Variants in KRT77 observed in about 807,000 individuals in gnomAD.
KRT77 encodes the protein keratin 77, also known as keratin, type II cytoskeletal 1b.
A neutral mutation model predicts 51.5 loss-of-function variants in KRT77; 44 were observed. That is an observed-to-expected ratio of 0.85 (90% confidence interval 0.67 to 1.10). The LOEUF (loss-of-function observed/expected upper bound fraction) is 1.10, where lower values mean the gene tolerates loss of function less well. Among genes scored for constraint, KRT77 ranks in the 50% least tolerant of loss-of-function variants. The pLI is 0.00. For synonymous variants in KRT77, 293 were observed against 302.0 expected (o/e 0.97, Z 0.31); for missense variants, 763 against 743.9 (o/e 1.03, Z -0.30).
At chr12:52,691,820 C>G in intron 8 of KRT77, 118 bp downstream of exon 8, 1 of 1,121,210 alleles carries the variant, frequency 8.9e-7, no homozygotes, top group Non-Finnish European at 1.3e-6. Flanking sequence ...ACTTTGGTGT[C>G]TATTGCACAG....
intron 1 of KRT77, 55 bp from the exon 2 acceptor site, chr12:52,697,951 A>G (rs902976836): frequency 3.9e-6 from 6 of 1,535,308 alleles, no homozygotes; most frequent in Admixed American, 1.7e-5. Flanking sequence ...CAGCTCCCCC[A>G]TAAGTAGGAG....
chr12:52,694,947 T>C (rs1941773223), intron 4 of KRT77, 157 bp from the exon 5 acceptor site: 1 of 555,714 alleles, frequency 1.8e-6, no homozygotes, highest in South Asian at 3.7e-5. Context: ...TGAGAGATAA[T>C]AGGGAGAGTC....
chr12:52,700,395 T>C (rs989133040), intron 1 of KRT77, among the ~76,000 whole-genome samples: 5 of 151,690 alleles, frequency 3.3e-5, no homozygotes, highest in Admixed American at 2.6e-4. Context: ...ACTGAAGTGG[T>C]GGTCAGGGAA....
chr12:52,691,145 G>A lies in KRT77; in HGVS notation c.*20C>T, dbSNP rs1010228197. 6.2e-6 allele frequency: 10 copies of A among 1,613,862 alleles called. No homozygotes were observed. The African/African-American group carries it at 1.2e-4, about 19-fold the overall frequency. Reference sequence around the variant, plus strand: ...GAGGGCGGTGAGGGGCAGGCGTGATGTGTGGCAGAAACGAGGCCTCTACTC... The same window carrying A: ...GAGGGCGGTGAGGGGCAGGCGTGATATGTGGCAGAAACGAGGCCTCTACTC... On this transcript the variant is annotated 3_prime_UTR_variant, in exon 9 of 9. Coordinates refer to ENST00000341809, the MANE Select transcript of KRT77 (RefSeq NM_175078.3).
chr12:52,692,079 T>A, intron 7 of KRT77, 107 bp from the exon 8 acceptor site: 1 of 1,221,414 alleles, frequency 8.2e-7, no homozygotes, highest in Non-Finnish European at 1.2e-6. Context: ...TAGGGAAATG[T>A]GTGTGCATGA....
In KRT77 at chr12:52,701,469, A is replaced by T. The variant is rs3782492; in HGVS notation, c.543+1423T>A. ...CTGCCACCCAGTATGGCCTCTAGCCACAGCTACCCTGCAGTCAGGCCACAG... is the reference window on the plus strand; with the variant it reads ...CTGCCACCCAGTATGGCCTCTAGCCTCAGCTACCCTGCAGTCAGGCCACAG... On this transcript the variant is annotated intron_variant, in intron 1 of 8. Transcript: ENST00000341809. Among the ~76,000 whole-genome samples the T allele has an allele frequency of 2.6e-5, 4 of 152,230 alleles. No homozygotes were observed. In the East Asian group the frequency reaches 7.8e-4, roughly 30 times the overall value.
intron 7 of KRT77, 123 bp downstream of exon 7, chr12:52,692,298 G>T: frequency 1.9e-6 from 2 of 1,066,388 alleles, no homozygotes; most frequent in Non-Finnish European, 2.7e-6. Context: ...GAATGTTTCT[G>T]CTCACCCTGG....
At position 52,694,727 on chromosome 12, in the gene KRT77, G is replaced by C. The variant is rs756943078; in HGVS notation, c.979C>G (p.Arg327Gly). Residue 327 changes from arginine (R) to glycine (G), a missense_variant, in exon 5 of 9, where the codon CGT becomes GGT. Transcript: ENST00000341809. ...TNVILSMDNNRSLDLDSIIDA... is the reference protein window; with the variant it reads ...TNVILSMDNNGSLDLDSIIDA... ...ATGATGCTGTCCAGGTCCAGGGAAC[G>C]GTTATTGTCCATGGACAGGATGACG... The C allele has an allele frequency of 6.2e-7, 1 of 1,613,424 alleles. No individual in the cohort carries two copies. Among genetic ancestry groups the C allele is most frequent in the African/African-American group, 1.3e-5 (1 of 74,916 alleles).
In KRT77 at chr12:52,702,975, C is replaced by T; in HGVS notation, c.460G>A (p.Asp154Asn). 1 of 1,614,060 alleles carries T rather than the reference C, an allele frequency of 6.2e-7. No individual in the cohort carries two copies. Among genetic ancestry groups the T allele is most frequent in the South Asian group, 1.1e-5 (1 of 91,066 alleles). ...SLLEPLHLEV[D>N]PEIQRIKTQE... ...GTCTTGATCCTCTGAATTTCAGGGTCCACCTCCAGGTGAAGTGGCTCTAGG... is the reference window on the plus strand; with the variant it reads ...GTCTTGATCCTCTGAATTTCAGGGTTCACCTCCAGGTGAAGTGGCTCTAGG... Residue 154 changes from aspartate (D) to asparagine (N), a missense_variant, in exon 1 of 9, where the codon GAC (aspartate) becomes AAC (asparagine). Transcript: ENST00000341809.
At chr12:52,691,585 C>G (rs979891256) in intron 8 of KRT77, 146 bp from the exon 9 acceptor site, 79 of 984,734 alleles carry the variant, frequency 8.0e-5, no homozygotes, top group Non-Finnish European at 9.3e-5. Context: ...TGAAAGTGTT[C>G]CTACTTGAAA....
At chr12:52,699,510 G>A (rs1214148253) in intron 1 of KRT77, among the ~76,000 whole-genome samples, 2 of 152,204 alleles carry the variant, frequency 1.3e-5, no homozygotes, top group Non-Finnish European at 2.9e-5. Flanking sequence ...AAACACTCCT[G>A]GTCTGTGTCC....
At chr12:52,692,110 G>A in intron 7 of KRT77, 138 bp from the exon 8 acceptor site, 3 of 916,878 alleles carry the variant, frequency 3.3e-6, no homozygotes, top group Non-Finnish European at 5.1e-6. Flanking sequence ...GGAAGCCAGT[G>A]GGGCAGAGAG....
Position 52,692,777 on chromosome 12 carries a change from T to C in KRT77, c.1184A>G (p.Glu395Gly). 6.2e-7 allele frequency: 1 copy of C among 1,604,542 alleles called. No homozygotes were observed. Among genetic ancestry groups the C allele is most frequent in the Non-Finnish European group, 8.5e-7 (1 of 1,171,820 alleles). Reference sequence around the variant, plus strand: ...CACCTGCTTCTTCACGTTGCTGATCTCTGCCTGCAGCCTCTGGACGGTGCG... The same window carrying C: ...CACCTGCTTCTTCACGTTGCTGATCCCTGCCTGCAGCCTCTGGACGGTGCG... The part of the protein sequence containing the change: ...LNRTVQRLQA[E>G]ISNVKKQIEQ... The change falls in exon 6 of 9, where the codon GAG (glutamate) becomes GGG (glycine). Residue 395 changes from glutamate (E) to glycine (G), a missense_variant. Coordinates refer to ENST00000341809, the MANE Select transcript of KRT77 (RefSeq NM_175078.3).
At chr12:52,702,419 A>ATGTG (rs548989316) in intron 1 of KRT77, among the ~76,000 whole-genome samples, 6 of 147,934 alleles carry the variant, frequency 4.1e-5, no homozygotes, top group African/African-American at 7.5e-5. Flanking sequence ...GTGTGTGTGC[A>ATGTG]TGTGTGTGTG....
intron 1 of KRT77, among the ~76,000 whole-genome samples, chr12:52,699,723 A>C (rs931282901): frequency 6.6e-6 from 1 of 152,158 alleles, no homozygotes; most frequent in Non-Finnish European, 1.5e-5. Context: ...GCATCCCACC[A>C]GTGTGTCCCC....
chr12:52,696,151 A>G (rs1177914914), intron 3 of KRT77, among the ~76,000 whole-genome samples: 2 of 152,080 alleles, frequency 1.3e-5, no homozygotes, highest in South Asian at 4.1e-4. Flanking sequence ...ATTTCACTTC[A>G]TTTCACTTTC....
intron 1 of KRT77, among the ~76,000 whole-genome samples, chr12:52,700,716 A>T (rs772955605): frequency 9.9e-5 from 15 of 152,186 alleles, no homozygotes; most frequent in Admixed American, 4.6e-4. Flanking sequence ...CCACAAATGC[A>T]AGTGTGGGCT....
At position 52,691,221 on chromosome 12, in the gene KRT77, G is replaced by A. The variant is rs139323266; in HGVS notation, c.1681C>T (p.Arg561Cys). 1.2e-6 allele frequency: 2 copies of A among 1,614,008 alleles called. No individual in the cohort carries two copies. The highest frequency in any genetic ancestry group is 8.5e-7 in the Non-Finnish European group (1 of 1,179,960). Residue 561 changes from arginine (R) to cysteine (C), a missense_variant, in exon 9 of 9, where the codon CGC becomes TGC. Physicochemically the swap from Arg to Cys is radical, Grantham distance 180. Transcript: ENST00000341809. ...GTGGAGGTCTGGATGATCTGCACGC[G>A]CGAGGATCCGCGGCCGCTTCTGCCG... The part of the protein sequence containing the change: ...GSGRSGRGSS[R>C]VQIIQTSTNT...
intron 1 of KRT77, 151 bp from the exon 2 acceptor site, chr12:52,698,047 A>G: frequency 1.4e-6 from 2 of 1,424,012 alleles, no homozygotes; most frequent in East Asian, 5.0e-5. Flanking sequence ...CTCGGGATTG[A>G]GACACACAGA....
Sources: allele counts gnomAD v4.1 joint callset (sites outside exome capture counted in the v4.1 genomes callset), GRCh38; gene constraint gnomAD v4.1.1; transcripts MANE v1.5; gene names NCBI Gene and HGNC (gene_info 2026-07-23, HGNC 2026-07-21).